The following IL10RB variants were observed in gnomAD, a reference collection of about 807,000 sequenced individuals.
The protein encoded by IL10RB is interleukin 10 receptor subunit beta, also known as interleukin-10 receptor subunit beta.
IL10RB carries 30 observed loss-of-function variants against 38.7 expected under a neutral mutation model. The observed-to-expected ratio is 0.78, with a 90% CI of 0.58 to 1.05. The LOEUF (loss-of-function observed/expected upper bound fraction) is 1.05. IL10RB is among the 50% of genes least tolerant of loss of function. IL10RB has a pLI of 0.00. For synonymous variants in IL10RB, 142 were observed against 145.9 expected, an observed-to-expected ratio of 0.97 and a Z score of 0.19; for missense variants, 328 against 397.1, an observed-to-expected ratio of 0.83 and a Z score of 1.48.
chr21:33,291,964 G>C (rs1989497196), intron 6 of IL10RB, among the ~76,000 whole-genome samples: 1 of 152,170 alleles, frequency 6.6e-6, no homozygotes, highest in Non-Finnish European at 1.5e-5. Flanking sequence ...CCTGTGCCAT[G>C]TACAGGTGAC....
chr21:33,303,236 C>T (rs1029391437), intron 1 of IL10RB, among the ~76,000 whole-genome samples: 2 of 152,142 alleles, frequency 1.3e-5, no homozygotes, highest in African/African-American at 4.8e-5. Context: ...AGATGACCTT[C>T]ACCCCCACAT....
chr21:33,308,621 T>C (rs1443581979), intron 1 of IL10RB: 1 of 152,216 alleles, frequency 6.6e-6, no homozygotes, highest in African/African-American at 2.4e-5. Context: ...CAGTATATTG[T>C]ATGTGAAGAT....
chr21:33,268,726 C>T (rs920905371), intron 2 of IL10RB, among the ~76,000 whole-genome samples: 1 of 152,156 alleles, frequency 6.6e-6, no homozygotes, highest in Non-Finnish European at 1.5e-5. Context: ...TGATGGTTGA[C>T]GATTTGACTG....
chr21:33,282,740 G>A (rs1989302848), intron 4 of IL10RB, among the ~76,000 whole-genome samples: 1 of 152,036 alleles, frequency 6.6e-6, no homozygotes, highest in South Asian at 2.1e-4. Context: ...AGTAGAGATG[G>A]GGTTTTGCCA....
At position 33,279,795 on chromosome 21, in the gene IL10RB, T is replaced by A; in HGVS notation, c.375T>A (p.Asp125Glu). The A allele has an allele frequency of 6.2e-7, 1 of 1,613,868 alleles. No individual in the cohort carries two copies. Residue 125 changes from aspartate to glutamate, a missense_variant, in exon 4 of 7, where the codon GAT becomes GAA. By Grantham distance (45) the Asp-to-Glu change is conservative. Coordinates refer to ENST00000290200, the MANE Select transcript of IL10RB (RefSeq NM_000628.5). ...GAATGCAAGTAGAAGTACTTGCTGA[T>A]TCTTTACATATGCGTTTCTTAGCCC... ...PPGMQVEVLA[D>E]SLHMRFLAPK...
At chr21:33,275,680 C>T (rs1477281296) in intron 2 of IL10RB, among the ~76,000 whole-genome samples, 1 of 152,228 alleles carries the variant, frequency 6.6e-6, no homozygotes, top group Non-Finnish European at 1.5e-5. Flanking sequence ...ACAACTTTTC[C>T]TTTGCATTCA....
chr21:33,283,833 A>G (rs1000260932), intron 5 of IL10RB, among the ~76,000 whole-genome samples: 1 of 152,198 alleles, frequency 6.6e-6, no homozygotes, highest in East Asian at 1.9e-4. Flanking sequence ...TAAACACTGC[A>G]TATTTATGTG....
chr21:33,284,900 GTTTA>G (rs1053271798), intron 5 of IL10RB, among the ~76,000 whole-genome samples: 2 of 151,920 alleles, frequency 1.3e-5, no homozygotes, highest in Non-Finnish European at 2.9e-5. Context: ...TTAGTTATTT[GTTTA>G]TTTGTTTTTT....
At chr21:33,290,280 T>C (rs1333955057) in intron 6 of IL10RB, among the ~76,000 whole-genome samples, 4 of 152,102 alleles carry the variant, frequency 2.6e-5, no homozygotes, top group Admixed American at 1.3e-4. Flanking sequence ...AGAGCGAGAC[T>C]CCATCTCAAA....
At chr21:33,305,825 T>A (rs897383772) in intron 1 of IL10RB, among the ~76,000 whole-genome samples, 1 of 152,112 alleles carries the variant, frequency 6.6e-6, no homozygotes, top group African/African-American at 2.4e-5. Context: ...CTGATGAATT[T>A]TTTTTTAATT....
intron 1 of IL10RB, among the ~76,000 whole-genome samples, chr21:33,305,381 A>G (rs1289742065): frequency 1.3e-5 from 2 of 152,068 alleles, no homozygotes; most frequent in Non-Finnish European, 2.9e-5. Context: ...AAGTGCTGGG[A>G]TTACAGGCAT....
At chr21:33,290,515 G>A (rs768350197) in intron 6 of IL10RB, among the ~76,000 whole-genome samples, 6 of 152,166 alleles carry the variant, frequency 3.9e-5, no homozygotes, top group Non-Finnish European at 7.3e-5. Flanking sequence ...AGGGAGCAGC[G>A]GTTTCCCCAG....
At chr21:33,268,265 C>T in intron 1 of IL10RB, 129 bp from the exon 2 acceptor site, 5 of 1,557,604 alleles carry the variant, frequency 3.2e-6, no homozygotes, top group Non-Finnish European at 4.3e-6. Context: ...ACCTGTCTCT[C>T]CCTCCCTCAC....
intron 6 of IL10RB, among the ~76,000 whole-genome samples, chr21:33,291,038 C>T (rs969303986): frequency 1.3e-5 from 2 of 152,112 alleles, no homozygotes; most frequent in Non-Finnish European, 2.9e-5. Flanking sequence ...CGATCTTTGG[C>T]GTTCCTTGGC....
intron 5 of IL10RB, among the ~76,000 whole-genome samples, chr21:33,287,145 G>C (rs2850005): frequency 0.46 from 70,644 of 151,944 alleles, 16,759 homozygotes; most frequent in African/African-American, 0.54. Context: ...CAAAGGGACA[G>C]AGGAAGGATT....
At chr21:33,292,826 G>A (rs547420612) in intron 6 of IL10RB, among the ~76,000 whole-genome samples, 1 of 152,316 alleles carries the variant, frequency 6.6e-6, no homozygotes, top group South Asian at 2.1e-4. Context: ...TTCACAGGCC[G>A]TCCCTGGTGG....
chr21:33,304,111 G>C (rs2082992665), intron 1 of IL10RB, among the ~76,000 whole-genome samples: 1 of 152,242 alleles, frequency 6.6e-6, no homozygotes, highest in Non-Finnish European at 1.5e-5. Flanking sequence ...CCAGCCAGTA[G>C]CAGGGTCTGC....
At chr21:33,279,074 C>A (rs918084423) in intron 3 of IL10RB, among the ~76,000 whole-genome samples, 9 of 152,138 alleles carry the variant, frequency 5.9e-5, no homozygotes, top group African/African-American at 2.2e-4. Context: ...TAAATAGATA[C>A]ATATTACATG....
chr21:33,282,909 A>C (rs1037383245), intron 4 of IL10RB, among the ~76,000 whole-genome samples, 185 bp from the exon 5 acceptor site: 6 of 152,104 alleles, frequency 3.9e-5, no homozygotes, highest in African/African-American at 1.4e-4. Context: ...GTTTGTGGGC[A>C]CCACTGTCAG....
Sources: allele counts gnomAD v4.1 joint callset (sites outside exome capture counted in the v4.1 genomes callset), GRCh38; gene constraint gnomAD v4.1.1; transcripts MANE v1.5; gene names NCBI Gene and HGNC (gene_info 2026-07-23, HGNC 2026-07-21).